LGALS9: variants seen among roughly 807,000 people sequenced by gnomAD.
LGALS9 encodes the protein galectin-9.
Under a neutral mutation model 35.9 loss-of-function variants are expected in LGALS9, and 26 were observed. The ratio of observed to expected loss-of-function variants is 0.72; its 90% CI spans 0.53 to 1.01. LGALS9 has a LOEUF of 1.01. Ranked by LOEUF, LGALS9 falls within the 50% of genes least tolerant of loss-of-function variation. LGALS9 has a pLI of 0.00. For missense variants in LGALS9, 347 were observed against 445.8 expected, an observed-to-expected ratio of 0.78 and a Z score of 1.99; for synonymous variants, 149 against 172.2, an observed-to-expected ratio of 0.87 and a Z score of 1.06.
intron 1 of LGALS9, among the ~76,000 whole-genome samples, chr17:27,636,683 G>A (rs1195701225): frequency 6.6e-6 from 1 of 151,874 alleles, no homozygotes; most frequent in Non-Finnish European, 1.5e-5. Context: ...ACGTTGTTCA[G>A]GCTGGCCTCA....
At chr17:27,642,501 C>A in intron 4 of LGALS9, 153 bp downstream of exon 4, 1 of 1,157,912 alleles carries the variant, frequency 8.6e-7, no homozygotes, top group South Asian at 1.6e-5. Context: ...CTGCCCGCCC[C>A]TTCTCCTCTG....
intron 3 of LGALS9, chr17:27,641,031 T>G (rs1258876291): frequency 1.5e-6 from 1 of 682,712 alleles, no homozygotes; most frequent in Non-Finnish European, 2.7e-6. Context: ...CTATTTGGTG[T>G]TGTGTGTCTT....
chr17:27,631,470 C>T (rs113037308), intron 1 of LGALS9, among the ~76,000 whole-genome samples, 166 bp downstream of exon 1: 6 of 152,288 alleles, frequency 3.9e-5, no homozygotes, highest in African/African-American at 7.2e-5. Flanking sequence ...ACACCTGTGC[C>T]GTGCTGAGCT....
At chr17:27,642,548 C>T (rs1214603679) in intron 4 of LGALS9, 200 bp downstream of exon 4, 18 of 1,143,054 alleles carry the variant, frequency 1.6e-5, no homozygotes, top group Admixed American at 2.9e-5. Flanking sequence ...TGTCTCTGTC[C>T]GGAACACCTG....
At chr17:27,631,859 T>A (rs546537925) in intron 1 of LGALS9, among the ~76,000 whole-genome samples, 88 of 152,048 alleles carry the variant, frequency 5.8e-4, no homozygotes, top group African/African-American at 2.1e-3. Flanking sequence ...TGGGAGTGTT[T>A]CATGTTATTG....
Position 27,642,310 on chromosome 17 carries a change from G to A in LGALS9, c.406G>A (p.Val136Ile), listed in dbSNP as rs1380206832. Residue 136 changes from valine to isoleucine, a missense_variant, in exon 4 of 11, where the codon GTC (valine) becomes ATC (isoleucine). Val to Ile is a conservative substitution (Grantham distance 29). Coordinates refer to ENST00000395473, the MANE Select transcript of LGALS9 (RefSeq NM_009587.3). Reference sequence around the variant, plus strand: ...CTTCCACCGTGTGGACACCATCTCCGTCAATGGCTCTGTGCAGCTGTCCTA... The same window carrying A: ...CTTCCACCGTGTGGACACCATCTCCATCAATGGCTCTGTGCAGCTGTCCTA... ...VPFHRVDTIS[V>I]NGSVQLSYIS... is the part of the protein sequence containing the mutation. The A allele has an allele frequency of 1.6e-5, 26 of 1,612,196 alleles. No homozygotes were observed. Among genetic ancestry groups the A allele is most frequent in the African/African-American group, 4.0e-5 (3 of 74,712 alleles).
chr17:27,635,807 T>C (rs2074443757), intron 1 of LGALS9, among the ~76,000 whole-genome samples: 1 of 152,136 alleles, frequency 6.6e-6, no homozygotes, highest in South Asian at 2.1e-4. Context: ...ATCACAGGCT[T>C]CCACAAACAG....
Position 27,647,319 on chromosome 17 carries a change from C to A in LGALS9, c.808C>A (p.Pro270Thr). Residue 270 changes from proline (P) to threonine (T), a missense_variant, in exon 10 of 11, where the codon CCC becomes ACC. Pro to Thr is a conservative substitution (Grantham distance 38, BLOSUM62 -1). Coordinates refer to ENST00000395473, the MANE Select transcript of LGALS9 (RefSeq NM_009587.3). ...GAACCACATCGCCTTCCACCTGAAC[C>A]CCCGTTTTGATGAGAATGCTGTGGT... ...SGNHIAFHLN[P>T]RFDENAVVRN... The A allele has an allele frequency of 6.2e-7, 1 of 1,614,164 alleles. No homozygotes were observed. Among genetic ancestry groups the A allele is most frequent in the Non-Finnish European group, 8.5e-7 (1 of 1,180,034 alleles).
chr17:27,631,647 C>T (rs1284404325), intron 1 of LGALS9, among the ~76,000 whole-genome samples: 2 of 152,092 alleles, frequency 1.3e-5, no homozygotes, highest in African/African-American at 2.4e-5. Context: ...GGACGCTACC[C>T]GGCATGGTAG....
chr17:27,633,903 G>A (rs2074416437), intron 1 of LGALS9, among the ~76,000 whole-genome samples: 1 of 152,210 alleles, frequency 6.6e-6, no homozygotes, highest in African/African-American at 2.4e-5. Flanking sequence ...AAGTGACTTG[G>A]CCAGTGTCAG....
chr17:27,641,141 A>G (rs186495864), intron 3 of LGALS9: 7 of 413,150 alleles, frequency 1.7e-5, no homozygotes, highest in Admixed American at 5.8e-5. Context: ...GCCTTTATCC[A>G]GGGTCTATTA....
Position 27,631,300 on chromosome 17 carries a change from G to T in LGALS9, c.35G>T (p.Ser12Ile). ...AGCGGTTCCCAGGCTCCCTACCTGA[G>T]TCCAGTGAGTTCCAGGGCTATGGGC... Reference protein sequence around the residue: ...AFSGSQAPYLSPAVPFSGTIQ... With the variant: ...AFSGSQAPYLIPAVPFSGTIQ... The change falls in exon 1 of 11, where the codon AGT (serine) becomes ATT (isoleucine). Residue 12 changes from serine to isoleucine, a missense_variant. Coordinates refer to ENST00000395473, the MANE Select transcript of LGALS9 (RefSeq NM_009587.3). 1 of 1,614,186 alleles carries T rather than the reference G, an allele frequency of 6.2e-7. No homozygotes were observed. Among genetic ancestry groups the T allele is most frequent in the East Asian group, 2.2e-5 (1 of 44,886 alleles).
chr17:27,638,783 C>G, intron 2 of LGALS9: 1 of 298,874 alleles, frequency 3.3e-6, no homozygotes, highest in South Asian at 3.1e-5. Flanking sequence ...CTTTTGGTTT[C>G]AAGGCCTTTT....
intron 3 of LGALS9, among the ~76,000 whole-genome samples, chr17:27,641,866 C>G (rs895257535): frequency 6.6e-6 from 1 of 151,672 alleles, no homozygotes; most frequent in African/African-American, 2.4e-5. Context: ...CCCAGCTACT[C>G]GGGAGGCTGA....
At chr17:27,639,564 A>G (rs937521092) in intron 2 of LGALS9, among the ~76,000 whole-genome samples, 1 of 152,136 alleles carries the variant, frequency 6.6e-6, no homozygotes, top group African/African-American at 2.4e-5. Context: ...CCATTTATTC[A>G]TTTAATTAAT....
At chr17:27,641,068 T>A (rs1039206374) in intron 3 of LGALS9, 3 of 603,998 alleles carry the variant, frequency 5.0e-6, no homozygotes, top group Non-Finnish European at 6.3e-6. Flanking sequence ...TCCATTCCTC[T>A]GCTATAGCCA....
chr17:27,646,980 C>T (rs951315898), intron 8 of LGALS9, 50 bp from the exon 9 acceptor site: 7 of 1,611,784 alleles, frequency 4.3e-6, no homozygotes, highest in African/African-American at 4.0e-5. Context: ...GGAACTGGTA[C>T]AATCTTCCCC....
At chr17:27,645,489 G>A in intron 6 of LGALS9, 140 bp downstream of exon 6, 2 of 1,326,820 alleles carry the variant, frequency 1.5e-6, no homozygotes, top group Non-Finnish European at 2.1e-6. Flanking sequence ...GCCCGGCCTG[G>A]TGAGGTTGGG....
At position 27,649,273 on chromosome 17, in the gene LGALS9, G is replaced by T; in HGVS notation, c.*291G>T. The T allele has an allele frequency of 1.9e-6, 1 of 513,602 alleles. No homozygotes were observed. Among genetic ancestry groups the T allele is most frequent in the South Asian group, 2.1e-5 (1 of 48,668 alleles). 31.8% of individuals were successfully genotyped at this position (513,602 alleles called of 1,614,324 possible). On this transcript the variant is annotated 3_prime_UTR_variant, in exon 11 of 11. Transcript: ENST00000395473. ...GGAGAGGGGAGGAGTGGGCAGTGAA[G>T]ATGAAGCCCCATGCTCAGTCCCCTC... is the stretch of plus-strand genomic sequence containing the variant.
Sources: gnomAD v4.1 joint callset for allele counts (sites outside exome capture counted in the v4.1 genomes callset) on GRCh38, gnomAD v4.1.1 for gene constraint, MANE v1.5 for transcripts, NCBI Gene and HGNC (gene_info 2026-07-23, HGNC 2026-07-21) for gene names.